MACF1: variants seen among roughly 807,000 people sequenced by gnomAD.
The protein encoded by MACF1 is microtubule actin crosslinking factor 1.
MACF1 carries 193 observed loss-of-function variants against 854.8 expected under a neutral mutation model. The ratio of observed to expected loss-of-function variants is 0.23; its 90% CI spans 0.20 to 0.25. The LOEUF is 0.25. Ranked by LOEUF, MACF1 falls within the 10% of genes least tolerant of loss-of-function variation. The probability of loss-of-function intolerance (pLI) is 1.00; values close to 1 mark genes in which losing one functional copy is unlikely to be tolerated. For synonymous variants in MACF1, 3,185 were observed against 3,226.7 expected (o/e 0.99, Z 0.44); for missense variants, 7,722 against 8,929.1 (o/e 0.86, Z 5.45).
At chr1:39,138,349 C>T (rs773560101) in intron 2 of MACF1, among the ~76,000 whole-genome samples, 2 of 151,506 alleles carry the variant, frequency 1.3e-5, no homozygotes, top group Non-Finnish European at 2.9e-5. Flanking sequence ...TTTGGGAGGC[C>T]GAGGTGGGCA....
In MACF1 at chr1:39,324,328, G is replaced by C. The variant is rs763108999; in HGVS notation, c.4372G>C (p.Ala1458Pro). 6.2e-7 allele frequency: 1 copy of C among 1,613,494 alleles called. No homozygotes were observed. The highest frequency in any genetic ancestry group is 8.5e-7 in the Non-Finnish European group (1 of 1,179,810). Residue 1458 changes from alanine (A) to proline (P), a missense_variant, in exon 34 of 101, where the codon GCT becomes CCT. Physicochemically the swap from Ala to Pro is conservative, Grantham distance 27 (BLOSUM62 -1). This residue lies in a region of MACF1 where 4 missense variants were observed against 19.3 expected (regional missense o/e 0.21). Coordinates refer to ENST00000564288, the MANE Select transcript of MACF1 (RefSeq NM_001394062.1). ...ETKESTDIEK[A>P]ILEQQVLSEE... is the part of the protein sequence containing the mutation. ...CAAAGAATCAACAGACATTGAAAAA[G>C]CTATTTTGGAACAGCAGGTGAGAAG...
intron 2 of MACF1, among the ~76,000 whole-genome samples, chr1:39,237,141 A>G (rs1644868758): frequency 6.6e-6 from 1 of 152,056 alleles, no homozygotes; most frequent in South Asian, 2.1e-4. Context: ...CCCCCTAAAC[A>G]CTGTGTACTT....
At chr1:39,277,583 G>C (rs180914792) in intron 6 of MACF1, among the ~76,000 whole-genome samples, 1 of 152,130 alleles carries the variant, frequency 6.6e-6, no homozygotes, top group African/African-American at 2.4e-5. Flanking sequence ...GTTATGGCAT[G>C]TCTCAACTAA....
intron 37 of MACF1, among the ~76,000 whole-genome samples, 191 bp downstream of exon 37, chr1:39,336,844 A>G (rs1485798943): frequency 6.6e-6 from 1 of 152,198 alleles, no homozygotes; most frequent in Non-Finnish European, 1.5e-5. Context: ...AAAATTAGGC[A>G]TTGGCTCTGA....
intron 56 of MACF1, 43 bp from the exon 57 acceptor site, chr1:39,385,391 G>GT (rs749165241): frequency 1.8e-5 from 29 of 1,596,896 alleles, no homozygotes; most frequent in Admixed American, 1.7e-4. Context: ...AGATAGATCT[G>GT]TTTTTTTCCT....
rs1647071424 is a variant in MACF1 at position 39,347,199 on chromosome 1, G to T, written c.10804G>T (p.Ala3602Ser). Residue 3602 changes from alanine (A) to serine (S), a missense_variant, in exon 41 of 101, where the codon GCC becomes TCC. Ala to Ser is a moderately conservative substitution (Grantham distance 99). Transcript: ENST00000564288. ...QGHLQQMEQE[A>S]LVKTLQKQQN... The stretch of plus-strand genomic sequence containing the variant: ...CCATCTTCAACAAATGGAGCAGGAA[G>T]CCCTGGTGAAGGTCAGACTGAACCA... 1 of 1,612,806 alleles carries T rather than the reference G, an allele frequency of 6.2e-7. No individual in the cohort carries two copies. Among genetic ancestry groups the T allele is most frequent in the Non-Finnish European group, 8.5e-7 (1 of 1,179,184 alleles).
rs765185637 is a variant in MACF1, at chr1:39,287,438, C to A, written c.1661C>A (p.Ser554Tyr). The change falls in exon 15 of 101, where the codon TCT (serine) becomes TAT (tyrosine). Residue 554 changes from serine to tyrosine, a missense_variant. Around this residue, in one of 15 missense-constraint regions of MACF1, gnomAD observed 1,137 missense variants for 1,263.0 expected, o/e 0.90. Coordinates refer to ENST00000564288, the MANE Select transcript of MACF1 (RefSeq NM_001394062.1). ...KAEPLTKATHSSSTSWFRKPM... is the reference protein window; with the variant it reads ...KAEPLTKATHYSSTSWFRKPM... The stretch of plus-strand genomic sequence containing the variant: ...GAACCCTTAACCAAGGCAACCCATT[C>A]TTCTTCTACCTCCTGGTTCCGAAAG... 1 of 1,614,204 alleles carries A rather than the reference C, an allele frequency of 6.2e-7. No individual in the cohort carries two copies. Among genetic ancestry groups the A allele is most frequent in the Non-Finnish European group, 8.5e-7 (1 of 1,180,024 alleles).
intron 2 of MACF1, among the ~76,000 whole-genome samples, chr1:39,128,559 C>A (rs1425413124): frequency 1.3e-5 from 2 of 152,046 alleles, no homozygotes. Context: ...ATTAGCCAGG[C>A]GTGGTGGCGG....
At chr1:39,210,335 T>A (rs562328647) in intron 1 of MACF1, among the ~76,000 whole-genome samples, 1 of 152,114 alleles carries the variant, frequency 6.6e-6, no homozygotes, top group Non-Finnish European at 1.5e-5. Flanking sequence ...TTAGAATGTT[T>A]AATCAAGGTA....
chr1:39,175,807 G>T lies in MACF1; in HGVS notation c.221-55375G>T, dbSNP rs187703443. On this transcript the variant is annotated intron_variant, in intron 2 of 93. Coordinates refer to the MACF1 transcript ENST00000361689. ...CTCTCTACTAAAAATACAAAAATTA[G>T]CCGGGTGTGGCCAGGTGCAGTGGCT... Among the ~76,000 whole-genome samples the T allele has an allele frequency of 1.6e-3, 245 of 151,298 alleles. 1 individual carries two copies. Among genetic ancestry groups the T allele is most frequent in the East Asian group, 8.2e-3 (42 of 5,102 alleles).
chr1:39,355,233 A>G (rs139275877), intron 44 of MACF1, among the ~76,000 whole-genome samples: 7 of 152,238 alleles, frequency 4.6e-5, no homozygotes, highest in African/African-American at 1.7e-4. Flanking sequence ...CAGAGCAAAA[A>G]TGGTTCTGCT....
Position 39,332,759 on chromosome 1 carries a change from C to T in MACF1, c.6171C>T (p.Cys2057=). Residue 2057 remains cysteine, a synonymous_variant, in exon 37 of 101, where the codon TGC becomes TGT. Transcript: ENST00000564288. The stretch of plus-strand genomic sequence containing the variant: ...AAGAATATCCCGATCGGGAAGATTG[C>T]ACTACAGAAAAAGGCAAAAAGACCA... ...QNKEYPDRED[C]TTEKGKKTTV... is the part of the protein sequence containing the mutation. The T allele has an allele frequency of 1.9e-6, 3 of 1,614,116 alleles. No individual in the cohort carries two copies. The highest frequency in any genetic ancestry group is 2.5e-6 in the Non-Finnish European group (3 of 1,180,020).
chr1:39,360,086 C>CAT (rs1648040259), intron 47 of MACF1, among the ~76,000 whole-genome samples: 1 of 120,236 alleles, frequency 8.3e-6, no homozygotes, highest in African/African-American at 2.9e-5. Flanking sequence ...TATATACACA[C>CAT]ATATATACAC....
intron 4 of MACF1, among the ~76,000 whole-genome samples, chr1:39,252,560 C>T (rs1211584332): frequency 6.6e-6 from 1 of 152,066 alleles, no homozygotes; most frequent in Non-Finnish European, 1.5e-5. Context: ...GTGTATTCTG[C>T]CTGCAGGCCC....
At chr1:39,268,569 T>C (rs2148355394) in intron 6 of MACF1, 3 of 1,170,336 alleles carry the variant, frequency 2.6e-6, no homozygotes, top group East Asian at 6.3e-5. Context: ...GGAGAAAGAA[T>C]TGGAGGGATT....
intron 36 of MACF1, among the ~76,000 whole-genome samples, chr1:39,328,857 G>A (rs1395038623): frequency 6.6e-6 from 1 of 152,156 alleles, no homozygotes; most frequent in Non-Finnish European, 1.5e-5. Context: ...TCAATTATAT[G>A]AGGGTGTTGG....
intron 57 of MACF1, among the ~76,000 whole-genome samples, chr1:39,386,935 A>G (rs995589030): frequency 8.5e-5 from 13 of 152,208 alleles, no homozygotes; most frequent in African/African-American, 3.1e-4. Flanking sequence ...ATTTTTCTGG[A>G]ACTGTTTATG....
intron 7 of MACF1, among the ~76,000 whole-genome samples, chr1:39,282,735 A>G (rs913973086): frequency 2.0e-5 from 3 of 152,104 alleles, no homozygotes; most frequent in African/African-American, 7.2e-5. Context: ...AAGCAGAGCC[A>G]TGAGGGAGTG....
At position 39,105,466 on chromosome 1, in the gene MACF1, C is replaced by A; in HGVS notation, c.220+21028C>A. ...GAGCGGACTGAGGAGCGGAGCGCGA[C>A]TGCCGGGCCGGGCGAGGCGGGCGGA... On this transcript the variant is annotated intron_variant, in intron 2 of 93. Coordinates refer to the MACF1 transcript ENST00000361689. The surrounding 1 kb of genome is among the most constrained non-coding windows in gnomAD (Gnocchi z 5.9). 6.0e-6 allele frequency: 6 copies of A among 1,008,380 alleles called. No individual in the cohort carries two copies. The highest frequency in any genetic ancestry group is 3.9e-5 in the South Asian group (1 of 25,510). The allele number at this position is 1,008,380 out of a possible 1,614,324, so 62.5% of individuals were successfully genotyped here. A position where few individuals can be genotyped will look rare whatever the true frequency, so the allele number is the denominator to read the frequency against.
Sources: gnomAD v4.1 joint callset for allele counts (sites outside exome capture counted in the v4.1 genomes callset) on GRCh38, gnomAD v4.1.1 for gene constraint, gnomAD v4.1.1 regional missense constraint, Gnocchi (gnomAD v3.1) non-coding constraint, MANE v1.5 for transcripts, NCBI Gene and HGNC (gene_info 2026-07-23, HGNC 2026-07-21) for gene names.